DPP10: variants seen among roughly 807,000 people sequenced by gnomAD.
DPP10 encodes inactive dipeptidyl peptidase 10.
A neutral mutation model predicts 120.9 loss-of-function variants in DPP10; 33 were observed. That is an observed-to-expected ratio of 0.27 (90% CI 0.21 to 0.37). The LOEUF (loss-of-function observed/expected upper bound fraction) is 0.37, where lower values mean the gene tolerates loss of function less well. Among genes scored for constraint, DPP10 ranks in the 10% least tolerant of loss-of-function variants. The pLI, the probability that DPP10 is intolerant of heterozygous loss-of-function variation, is 1.00. For synonymous variants in DPP10, 337 were observed against 326.1 expected (o/e 1.03, Z -0.36); for missense variants, 816 against 942.8 (o/e 0.87, Z 1.76).
intron 1 of DPP10, among the ~76,000 whole-genome samples, chr2:114,834,460 A>ATAG: frequency 6.6e-6 from 1 of 151,354 alleles, no homozygotes; most frequent in South Asian, 2.1e-4. Context: ...TGTACATATC[A>ATAG]GCCATATCTA....
chr2:114,923,173 T>C (rs1303997712), intron 1 of DPP10, among the ~76,000 whole-genome samples: 4 of 151,500 alleles, frequency 2.6e-5, no homozygotes, highest in Non-Finnish European at 5.9e-5. Flanking sequence ...TCCCATTCTG[T>C]ATTTTTTTTC....
intron 21 of DPP10, among the ~76,000 whole-genome samples, chr2:115,835,573 T>C (rs75309062): frequency 0.019 from 2,825 of 152,306 alleles, 99 homozygotes; most frequent in African/African-American, 0.064. Context: ...CTGCAGTTTC[T>C]CAAAATATCT....
At position 114,517,949 on chromosome 2, in the gene DPP10, TG is replaced by T. The variant is rs1349897078; in HGVS notation, c.60+75112del. Among the ~76,000 whole-genome samples the T allele has an allele frequency of 3.3e-5, 5 of 152,318 alleles. No individual in the cohort carries two copies. In the East Asian group the frequency reaches 7.7e-4, roughly 23 times the overall value. On this transcript the variant is annotated intron_variant, in intron 1 of 25. Coordinates refer to ENST00000410059, the MANE Select transcript of DPP10 (RefSeq NM_020868.6). ...TCATTGGCCTTTCGTCTTCGTCTTC[TG>T]CACCGATTCAGTCATTTCATTTGTA...
chr2:115,147,641 G>A (rs2051299058), intron 1 of DPP10, among the ~76,000 whole-genome samples: 1 of 152,048 alleles, frequency 6.6e-6, no homozygotes, highest in African/African-American at 2.4e-5. Flanking sequence ...GTGGTAGAGT[G>A]GAAAGCGTGG....
At chr2:114,570,836 TAAAAA>T (rs58796386) in intron 1 of DPP10, among the ~76,000 whole-genome samples, 4 of 57,822 alleles carry the variant, frequency 6.9e-5, no homozygotes, top group Admixed American at 6.9e-4. Context: ...CTGTCTCAAA[TAAAAA>T]AAAAAAAAAA....
chr2:114,879,275 A>T (rs1401527370), intron 1 of DPP10, among the ~76,000 whole-genome samples: 1 of 151,998 alleles, frequency 6.6e-6, no homozygotes, highest in Non-Finnish European at 1.5e-5. Flanking sequence ...CCCTCAAGGA[A>T]TTTACTGTCT....
intron 1 of DPP10, among the ~76,000 whole-genome samples, chr2:115,120,374 T>C (rs1395651542): frequency 6.6e-6 from 1 of 152,198 alleles, no homozygotes; most frequent in Non-Finnish European, 1.5e-5. Flanking sequence ...ACATAGGCTA[T>C]GGTACAAGTT....
At chr2:115,134,941 GGGAA>G (rs2050574482) in intron 1 of DPP10, among the ~76,000 whole-genome samples, 1 of 152,078 alleles carries the variant, frequency 6.6e-6, no homozygotes, top group African/African-American at 2.4e-5. Flanking sequence ...GACAGAGGGA[GGGAA>G]CGTTCCACAC....
chr2:115,165,591 A>G (rs925217765), intron 1 of DPP10, among the ~76,000 whole-genome samples: 1 of 152,194 alleles, frequency 6.6e-6, no homozygotes, highest in Non-Finnish European at 1.5e-5. Flanking sequence ...AATTTATAGG[A>G]GCTTTTTTTG....
chr2:114,628,392 A>T (rs890201582), intron 1 of DPP10, among the ~76,000 whole-genome samples: 1 of 152,172 alleles, frequency 6.6e-6, no homozygotes, highest in Admixed American at 6.6e-5. Flanking sequence ...TGAGATTTAA[A>T]TGGATAGAAT....
intron 1 of DPP10, among the ~76,000 whole-genome samples, chr2:115,013,280 C>A (rs1177614869): frequency 6.6e-6 from 1 of 152,132 alleles, no homozygotes; most frequent in African/African-American, 2.4e-5. Context: ...ATATGAAATT[C>A]TGGGCTGAAA....
intron 1 of DPP10, among the ~76,000 whole-genome samples, chr2:115,264,852 G>A (rs754477445): frequency 1.3e-5 from 2 of 152,070 alleles, no homozygotes; most frequent in Non-Finnish European, 2.9e-5. Context: ...TGAAAAGTGG[G>A]TACCAAGTTT....
intron 1 of DPP10, among the ~76,000 whole-genome samples, chr2:114,607,483 G>A (rs1692913255): frequency 6.6e-6 from 1 of 152,116 alleles, no homozygotes; most frequent in East Asian, 1.9e-4. Context: ...CACATAATGA[G>A]GACAAGAAAC....
At chr2:115,246,340 A>T (rs537256397) in intron 1 of DPP10, among the ~76,000 whole-genome samples, 4 of 152,106 alleles carry the variant, frequency 2.6e-5, no homozygotes, top group Admixed American at 1.3e-4. Context: ...CTTTCCACCA[A>T]TGGAATTACC....
intron 7 of DPP10, among the ~76,000 whole-genome samples, chr2:115,699,594 G>A (rs1234458620): frequency 6.6e-6 from 1 of 152,160 alleles, no homozygotes; most frequent in Admixed American, 6.5e-5. Context: ...GGGCAACAGA[G>A]TGAGACTTTG....
At chr2:114,670,576 T>C (rs1698261355) in intron 1 of DPP10, among the ~76,000 whole-genome samples, 1 of 152,096 alleles carries the variant, frequency 6.6e-6, no homozygotes, top group African/African-American at 2.4e-5. Flanking sequence ...ATATACCTAA[T>C]GCTAAATGAC....
intron 19 of DPP10, among the ~76,000 whole-genome samples, chr2:115,806,083 G>A (rs1168142093): frequency 6.6e-6 from 1 of 152,072 alleles, no homozygotes; most frequent in African/African-American, 2.4e-5. Flanking sequence ...AAAAATTCTA[G>A]GGATAAAGGA....
At chr2:115,537,093 T>C (rs1575122731) in intron 5 of DPP10, among the ~76,000 whole-genome samples, 1 of 152,046 alleles carries the variant, frequency 6.6e-6, no homozygotes, top group East Asian at 1.9e-4. Context: ...TAATATCATG[T>C]TCTCATTTTA....
chr2:115,177,180 A>G (rs1201141362), intron 1 of DPP10, among the ~76,000 whole-genome samples: 1 of 152,212 alleles, frequency 6.6e-6, no homozygotes, highest in East Asian at 1.9e-4. Flanking sequence ...ACTGGTGAGC[A>G]CTGTAAGACA....
Sources: gnomAD v4.1 joint callset for allele counts (sites outside exome capture counted in the v4.1 genomes callset) on GRCh38, gnomAD v4.1.1 for gene constraint, MANE v1.5 for transcripts, NCBI Gene and HGNC (gene_info 2026-07-23, HGNC 2026-07-21) for gene names.